Variants in NEO1 observed in about 807,000 individuals in gnomAD.
The protein encoded by NEO1 is neogenin.
Under a neutral mutation model 159.7 loss-of-function variants are expected in NEO1, and 63 were observed. That is an observed-to-expected ratio of 0.39 (90% CI 0.32 to 0.49). The LOEUF (loss-of-function observed/expected upper bound fraction) is 0.49. NEO1 is among the 20% of genes least tolerant of loss of function. The pLI is 0.85. For missense variants in NEO1, 1,615 were observed against 1,831.0 expected, an observed-to-expected ratio of 0.88 and a Z score of 2.15; for synonymous variants, 633 against 662.0, an observed-to-expected ratio of 0.96 and a Z score of 0.67.
At chr15:73,277,063 G>A (rs1567673534) in intron 21 of NEO1, among the ~76,000 whole-genome samples, 1 of 152,146 alleles carries the variant, frequency 6.6e-6, no homozygotes, top group Admixed American at 6.5e-5. Context: ...TATTATCCCT[G>A]TGTTACAATG....
chr15:73,160,735 A>G (rs140601704), intron 5 of NEO1, among the ~76,000 whole-genome samples: 1,702 of 152,280 alleles, frequency 0.011, 16 homozygotes, highest in Non-Finnish European at 0.018. Flanking sequence ...TGGACTTTCC[A>G]TGTCCTCTCT....
At chr15:73,180,639 C>T (rs1186139340) in intron 7 of NEO1, among the ~76,000 whole-genome samples, 1 of 152,164 alleles carries the variant, frequency 6.6e-6, no homozygotes, top group Non-Finnish European at 1.5e-5. Flanking sequence ...CTAACTCTAA[C>T]AGTAGAAATG....
At chr15:73,065,557 A>G (rs1352312243) in intron 1 of NEO1, among the ~76,000 whole-genome samples, 2 of 152,166 alleles carry the variant, frequency 1.3e-5, no homozygotes, top group African/African-American at 2.4e-5. Context: ...TTTTCTAGTA[A>G]GAAGTCAACT....
At chr15:73,238,492 T>C (rs962284166) in intron 8 of NEO1, among the ~76,000 whole-genome samples, 5 of 151,744 alleles carry the variant, frequency 3.3e-5, no homozygotes, top group African/African-American at 4.8e-5. Flanking sequence ...CATGTTGAGA[T>C]TGATTATCCA....
intron 24 of NEO1, 115 bp from the exon 25 acceptor site, chr15:73,289,031 G>T (rs1596612676): frequency 5.5e-6 from 4 of 727,660 alleles, no homozygotes; most frequent in East Asian, 5.4e-5. Context: ...GAAATGTCTT[G>T]TCCCCATTAT....
chr15:73,241,997 A>T (rs148307831), intron 8 of NEO1, among the ~76,000 whole-genome samples: 1 of 152,168 alleles, frequency 6.6e-6, no homozygotes, highest in East Asian at 1.9e-4. Flanking sequence ...TATTCATTCA[A>T]TGTATGTTTG....
chr15:73,118,823 A>G (rs1007497562), intron 2 of NEO1, among the ~76,000 whole-genome samples: 1 of 152,208 alleles, frequency 6.6e-6, no homozygotes, highest in Non-Finnish European at 1.5e-5. Flanking sequence ...CATGGTATAC[A>G]TTGTCTAGAT....
intron 3 of NEO1, among the ~76,000 whole-genome samples, chr15:73,126,065 C>A (rs2030183607): frequency 6.6e-6 from 1 of 152,148 alleles, no homozygotes; most frequent in South Asian, 2.1e-4. Flanking sequence ...ATCCTTAAGA[C>A]CCCTAAAGAG....
chr15:73,068,636 G>A (rs2068360330), intron 1 of NEO1, among the ~76,000 whole-genome samples: 1 of 152,054 alleles, frequency 6.6e-6, no homozygotes, highest in Admixed American at 6.6e-5. Context: ...ATTTCCAGTG[G>A]AGGTACAGAT....
chr15:73,055,596 A>G (rs2067656288), intron 1 of NEO1, among the ~76,000 whole-genome samples: 1 of 151,934 alleles, frequency 6.6e-6, no homozygotes, highest in Non-Finnish European at 1.5e-5. Context: ...TAAGCTAAGG[A>G]CTCTCTTAGT....
chr15:73,090,340 G>T (rs752364734), intron 1 of NEO1, among the ~76,000 whole-genome samples: 18 of 152,118 alleles, frequency 1.2e-4, no homozygotes, highest in Non-Finnish European at 2.1e-4. Context: ...TACTACAGGC[G>T]CATGCTGCCA....
Position 73,249,587 on chromosome 15 carries a change from T to C in NEO1, c.1760T>C (p.Val587Ala). ...MEKGTDKEQD[V>A]DVSSHSYTIN... is the part of the protein sequence containing the mutation. ...AAGTGTTTTATTTTATTCAAGGATG[T>C]TGATGTTTCAAGTCACTCTTACACC... is the stretch of plus-strand genomic sequence containing the variant. The change falls in exon 11 of 29, where the codon GTT becomes GCT. Residue 587 changes from valine to alanine, a missense_variant. Coordinates refer to ENST00000261908, the MANE Select transcript of NEO1 (RefSeq NM_002499.4). 6.3e-7 allele frequency: 1 copy of C among 1,598,972 alleles called. No individual in the cohort carries two copies. Among genetic ancestry groups the C allele is most frequent in the Non-Finnish European group, 8.5e-7 (1 of 1,175,956 alleles).
rs745778575 is a variant in NEO1, at chr15:73,254,766, T to A, written c.2029T>A (p.Ser677Thr). ...CTACAAGATTCGCTACCGAAAGGCC[T>A]CCCGAAAGAGTGATGTCACTGAGAC... ...TGYKIRYRKA[S>T]RKSDVTETLV... Residue 677 changes from serine (S) to threonine (T), a missense_variant, in exon 13 of 29, where the codon TCC (serine) becomes ACC (threonine). This residue lies in a region of NEO1 where 1,018 missense variants were observed against 1,115.4 expected (regional missense o/e 0.91). Transcript: ENST00000261908. 1 of 1,614,110 alleles carries A rather than the reference T, an allele frequency of 6.2e-7. No individual in the cohort carries two copies. Among genetic ancestry groups the A allele is most frequent in the East Asian group, 2.2e-5 (1 of 44,880 alleles).
chr15:73,234,083 T>C (rs2039051825), intron 7 of NEO1, among the ~76,000 whole-genome samples: 1 of 152,136 alleles, frequency 6.6e-6, no homozygotes, highest in Admixed American at 6.5e-5. Context: ...CTCTAGCCAG[T>C]AGATAGTTGG....
intron 7 of NEO1, among the ~76,000 whole-genome samples, chr15:73,199,254 G>T (rs1226927356): frequency 6.6e-6 from 1 of 151,314 alleles, no homozygotes; most frequent in Admixed American, 6.6e-5. Flanking sequence ...ATAAAATACT[G>T]TTCTCATCAC....
At chr15:73,146,788 T>C (rs1362854406) in intron 5 of NEO1, among the ~76,000 whole-genome samples, 1 of 152,196 alleles carries the variant, frequency 6.6e-6, no homozygotes, top group Non-Finnish European at 1.5e-5. Flanking sequence ...ATGCATGATA[T>C]TGGACCCTGA....
At chr15:73,240,685 A>T (rs2039448133) in intron 8 of NEO1, among the ~76,000 whole-genome samples, 1 of 152,220 alleles carries the variant, frequency 6.6e-6, no homozygotes, top group East Asian at 1.9e-4. Flanking sequence ...ATTGGGTAGT[A>T]ATTATGTTAG....
intron 7 of NEO1, among the ~76,000 whole-genome samples, chr15:73,218,048 A>T (rs75781368): frequency 6.6e-5 from 10 of 151,888 alleles, no homozygotes; most frequent in Admixed American, 2.0e-4. Context: ...ATTCAGTATG[A>T]TAGTGGCTGT....
intron 7 of NEO1, among the ~76,000 whole-genome samples, chr15:73,202,997 T>G (rs2036991463): frequency 6.6e-6 from 1 of 152,236 alleles, no homozygotes. Flanking sequence ...TACATCTATA[T>G]ACCACATTTT....
Sources: allele counts gnomAD v4.1 joint callset (sites outside exome capture counted in the v4.1 genomes callset), GRCh38; gene constraint gnomAD v4.1.1; regional missense constraint gnomAD v4.1.1; transcripts MANE v1.5; gene names NCBI Gene and HGNC (gene_info 2026-07-23, HGNC 2026-07-21).